Variants in SUSD3 observed in about 807,000 individuals in gnomAD.
The protein encoded by SUSD3 is sushi domain-containing protein 3.
A neutral mutation model predicts 20.6 loss-of-function variants in SUSD3; 18 were observed. The ratio of observed to expected loss-of-function variants is 0.87; its 90% confidence interval spans 0.60 to 1.30. The LOEUF is 1.30. SUSD3 is among the 50% of genes most tolerant of loss of function. The probability of loss-of-function intolerance (pLI) is 0.00; values close to 1 mark genes in which losing one functional copy is unlikely to be tolerated. For missense variants in SUSD3, 306 were observed against 346.9 expected (o/e 0.88, Z 0.94); for synonymous variants, 137 against 141.5 (o/e 0.97, Z 0.23).
intron 1 of SUSD3, among the ~76,000 whole-genome samples, chr9:93,075,551 G>A (rs764992510): frequency 6.7e-6 from 1 of 149,532 alleles, no homozygotes; most frequent in African/African-American, 2.5e-5. Flanking sequence ...TTTTTTTAAT[G>A]CTCCAATCCT....
chr9:93,064,336 G>A (rs376339040), intron 1 of SUSD3, among the ~76,000 whole-genome samples: 115 of 152,276 alleles, frequency 7.6e-4, no homozygotes, highest in East Asian at 2.1e-3. Context: ...GTGAGCCACC[G>A]CACCCAGCCG....
chr9:93,079,698 G>A (rs1564195060), intron 4 of SUSD3, 96 bp downstream of exon 4: 5 of 1,385,360 alleles, frequency 3.6e-6, no homozygotes, highest in African/African-American at 2.9e-5. Context: ...CTGAGAGCCT[G>A]CTGCTCCCAC....
chr9:93,069,743 T>C (rs1334808058), intron 1 of SUSD3, among the ~76,000 whole-genome samples: 1 of 152,134 alleles, frequency 6.6e-6, no homozygotes, highest in Non-Finnish European at 1.5e-5. Context: ...ATATACGAAA[T>C]CATGTCATCT....
At chr9:93,076,597 G>A (rs1384481243) in intron 2 of SUSD3, among the ~76,000 whole-genome samples, 2 of 152,250 alleles carry the variant, frequency 1.3e-5, no homozygotes, top group African/African-American at 4.8e-5. Flanking sequence ...AGGGCTCAGA[G>A]TCAAAATAGT....
chr9:93,083,828 TC>T (rs1428129578), intron 4 of SUSD3, among the ~76,000 whole-genome samples: 1 of 152,214 alleles, frequency 6.6e-6, no homozygotes, highest in Non-Finnish European at 1.5e-5. Flanking sequence ...CAGGAAGGCT[TC>T]CTGGAAGAGG....
chr9:93,084,704 C>A lies in SUSD3; in HGVS notation c.725C>A (p.Ala242Asp). The stretch of plus-strand genomic sequence containing the variant: ...CAGCCCCTGCCTGCCTCTGGGCTGG[C>A]CACAGGAATGCCACAACAGCCCGCA... ...PRQPLPASGL[A>D]TGMPQQPAAY... The change falls in exon 5 of 5, where the codon GCC becomes GAC. Residue 242 changes from alanine (A) to aspartate (D), a missense_variant. By Grantham distance (126) the Ala-to-Asp change is moderately radical (BLOSUM62 -2). Transcript: ENST00000375472. 1 of 1,598,590 alleles carries A rather than the reference C, an allele frequency of 6.3e-7. No individual in the cohort carries two copies. The highest frequency in any genetic ancestry group is 1.7e-5 in the Admixed American group (1 of 58,082).
At chr9:93,069,054 C>T (rs1378816731) in intron 1 of SUSD3, 11 of 698,706 alleles carry the variant, frequency 1.6e-5, no homozygotes, top group East Asian at 2.7e-5. Flanking sequence ...ACCCTTCTTG[C>T]GATGATGTGA....
At chr9:93,077,775 G>A (rs1178593833) in intron 2 of SUSD3, 71 bp from the exon 3 acceptor site, 1 of 1,581,162 alleles carries the variant, frequency 6.3e-7, no homozygotes, top group African/African-American at 1.3e-5. Context: ...CCACCCCTGA[G>A]ACCCCCAACC....
intron 1 of SUSD3, among the ~76,000 whole-genome samples, chr9:93,064,205 G>A (rs114908413): frequency 0.017 from 2,649 of 152,198 alleles, 96 homozygotes; most frequent in African/African-American, 0.06. Context: ...ACACCGCCAC[G>A]CCTAGCTACT....
chr9:93,079,513 G>A lies in SUSD3; in HGVS notation c.468G>A (p.Glu156=), dbSNP rs1262225686. The part of the protein sequence containing the change: ...LWSQLKDEDL[E]TVQAAYLGLK... ...CCCAGCTGAAAGATGAGGACTTGGA[G>A]ACGGTGCAGGCCGCATACCTTGGCC... Residue 156 remains glutamate (E), a synonymous_variant, in exon 4 of 5, where the codon GAG becomes GAA. Coordinates refer to ENST00000375472, the MANE Select transcript of SUSD3 (RefSeq NM_145006.4). 1.9e-6 allele frequency: 3 copies of A among 1,614,164 alleles called. No individual in the cohort carries two copies. The highest frequency in any genetic ancestry group is 2.5e-6 in the Non-Finnish European group (3 of 1,179,996).
At chr9:93,064,098 G>C (rs993408360) in intron 1 of SUSD3, among the ~76,000 whole-genome samples, 1 of 152,156 alleles carries the variant, frequency 6.6e-6, no homozygotes, top group Non-Finnish European at 1.5e-5. Context: ...AACCAGGCTA[G>C]AGTACAGTGC....
chr9:93,079,564 C>T lies in SUSD3; in HGVS notation c.519C>T (p.Ser173=), dbSNP rs146086851. Residue 173 remains serine, a synonymous_variant, in exon 4 of 5, where the codon AGC becomes AGT. Transcript: ENST00000375472. The part of the protein sequence containing the change: ...LGLKHFNKPV[S]GPSQAHDNHS... ...TCAAGCACTTCAACAAACCCGTGAG[C>T]GGGCCCAGCCAGGCGCACGACAACC... The T allele has an allele frequency of 1.4e-3, 2,217 of 1,613,988 alleles. 4 individuals are homozygous for T. Among genetic ancestry groups the T allele is most frequent in the Non-Finnish European group, 1.6e-3 (1,932 of 1,179,986 alleles).
intron 1 of SUSD3, among the ~76,000 whole-genome samples, chr9:93,062,715 C>T (rs1304767407): frequency 1.3e-5 from 2 of 152,056 alleles, no homozygotes; most frequent in African/African-American, 4.8e-5. Flanking sequence ...AGGGGTGGCC[C>T]TGGGTCCCCT....
rs1587889140 is a variant in SUSD3 at position 93,058,737 on chromosome 9, C to T, written c.-6C>T. The T allele has an allele frequency of 4.1e-6, 5 of 1,233,068 alleles. No homozygotes were observed. Among genetic ancestry groups the T allele is most frequent in the Non-Finnish European group, 5.1e-6 (5 of 987,744 alleles). 76.4% of individuals were successfully genotyped at this position (1,233,068 alleles called of 1,614,324 possible). On this transcript the variant is annotated 5_prime_UTR_variant, in exon 1 of 5. Coordinates refer to ENST00000375472, the MANE Select transcript of SUSD3 (RefSeq NM_145006.4). ...AGACCCCGCCAAGCGCCTCGGAGCG[C>T]GCAGGATGCGCTGGGCGGCCGCCAC...
At chr9:93,062,351 T>C (rs2118902611) in intron 1 of SUSD3, among the ~76,000 whole-genome samples, 1 of 152,330 alleles carries the variant, frequency 6.6e-6, no homozygotes, top group South Asian at 2.1e-4. Flanking sequence ...TGTTTTTCCC[T>C]CTTCTTTAAG....
intron 1 of SUSD3, among the ~76,000 whole-genome samples, chr9:93,063,208 T>C (rs1342641642): frequency 6.6e-6 from 1 of 152,194 alleles, no homozygotes; most frequent in Non-Finnish European, 1.5e-5. Flanking sequence ...GGCTAAGGGC[T>C]GAAGTTTCCC....
chr9:93,060,664 C>G (rs1312070824), intron 1 of SUSD3, among the ~76,000 whole-genome samples: 1 of 151,824 alleles, frequency 6.6e-6, no homozygotes, highest in Non-Finnish European at 1.5e-5. Flanking sequence ...GACCCCGTAT[C>G]TACAAAAAAT....
chr9:93,075,994 C>T (rs372839870), intron 2 of SUSD3, 22 bp downstream of exon 2: 7 of 1,561,836 alleles, frequency 4.5e-6, no homozygotes, highest in South Asian at 3.5e-5. Context: ...TCTCTCAGCT[C>T]GGTGGCTCTG....
At chr9:93,061,971 C>T (rs1228593996) in intron 1 of SUSD3, among the ~76,000 whole-genome samples, 1 of 152,214 alleles carries the variant, frequency 6.6e-6, no homozygotes, top group African/African-American at 2.4e-5. Context: ...GTTATAGGGG[C>T]TGTGTGGCGA....
Sources: gnomAD v4.1 joint callset for allele counts (sites outside exome capture counted in the v4.1 genomes callset) on GRCh38, gnomAD v4.1.1 for gene constraint, MANE v1.5 for transcripts, NCBI Gene and HGNC (gene_info 2026-07-23, HGNC 2026-07-21) for gene names.